Variants in BMAL2 observed in about 807,000 individuals in gnomAD.
The protein encoded by BMAL2 is basic helix-loop-helix ARNT like 2.
chr12:27,418,059 ACT>A, the BMAL2 span: 1 of 1,422,360 alleles, frequency 7.0e-7, no homozygotes, highest in Non-Finnish European at 9.9e-7. Context: ...TAGGAACCTC[ACT>A]GTTTGTTACT....
chr12:27,352,299 AC>A, the BMAL2 span, among the ~76,000 whole-genome samples: 4 of 152,210 alleles, frequency 2.6e-5, no homozygotes, highest in African/African-American at 9.7e-5. Context: ...AAAATCCTAA[AC>A]TTTTTGAGTA....
chr12:27,388,687 G>T, the BMAL2 span, among the ~76,000 whole-genome samples: 1 of 152,188 alleles, frequency 6.6e-6, no homozygotes, highest in Non-Finnish European at 1.5e-5. Context: ...TAGACCTGGG[G>T]ATGCTGTGCC....
the BMAL2 span, among the ~76,000 whole-genome samples, chr12:27,411,350 C>T: frequency 3.3e-5 from 5 of 152,000 alleles, no homozygotes; most frequent in African/African-American, 1.2e-4. Context: ...GGTGCAGTAG[C>T]TCATGCTTGT....
At chr12:27,420,546 A>G in the BMAL2 span, 5 of 1,540,372 alleles carry the variant, frequency 3.2e-6, no homozygotes, top group Non-Finnish European at 4.3e-6. Context: ...TTGATTTTTA[A>G]CTCCAAAAAT....
the BMAL2 span, among the ~76,000 whole-genome samples, chr12:27,396,177 T>C: frequency 6.6e-6 from 1 of 152,208 alleles, no homozygotes; most frequent in African/African-American, 2.4e-5. Context: ...CTGAGCAGAC[T>C]AATACAGTGG....
chr12:27,382,119 GCTT>G, the BMAL2 span, among the ~76,000 whole-genome samples: 1 of 152,170 alleles, frequency 6.6e-6, no homozygotes, highest in Non-Finnish European at 1.5e-5. Context: ...TGTGAAATAA[GCTT>G]CTCTTTTACC....
chr12:27,359,437 C>G, the BMAL2 span, among the ~76,000 whole-genome samples: 1 of 152,160 alleles, frequency 6.6e-6, no homozygotes, highest in Non-Finnish European at 1.5e-5. Context: ...GCCTATATTC[C>G]CAGCACTTTG....
At chr12:27,396,328 A>G in the BMAL2 span, among the ~76,000 whole-genome samples, 31 of 152,360 alleles carry the variant, frequency 2.0e-4, no homozygotes, top group African/African-American at 7.0e-4. Context: ...GAGTGAGTGA[A>G]TAATTATTAA....
At chr12:27,346,887 C>G in the BMAL2 span, among the ~76,000 whole-genome samples, 1 of 152,118 alleles carries the variant, frequency 6.6e-6, no homozygotes, top group Non-Finnish European at 1.5e-5. Flanking sequence ...AACGTCCTTC[C>G]TTGAGGGTAA....
chr12:27,403,297 G>A, the BMAL2 span: 1 of 636,130 alleles, frequency 1.6e-6, no homozygotes, highest in Non-Finnish European at 2.8e-6. Flanking sequence ...AATTACATAT[G>A]TAATGCAAGG....
At chr12:27,409,454 A>G in the BMAL2 span, among the ~76,000 whole-genome samples, 1 of 152,204 alleles carries the variant, frequency 6.6e-6, no homozygotes, top group Non-Finnish European at 1.5e-5. Context: ...ATCTACAACC[A>G]TCTGATCTTT....
the BMAL2 span, chr12:27,415,931 C>T: frequency 6.3e-7 from 1 of 1,598,096 alleles, no homozygotes; most frequent in Non-Finnish European, 8.6e-7. Flanking sequence ...GATACTCATA[C>T]TGTAAACTGC....
At chr12:27,368,643 A>G in the BMAL2 span, among the ~76,000 whole-genome samples, 98 of 152,336 alleles carry the variant, frequency 6.4e-4, no homozygotes, top group African/African-American at 2.2e-3. Flanking sequence ...AGACATAGGA[A>G]CATGAGTTTT....
At chr12:27,342,997 G>A in the BMAL2 span, among the ~76,000 whole-genome samples, 1 of 152,142 alleles carries the variant, frequency 6.6e-6, no homozygotes, top group South Asian at 2.1e-4. Context: ...TGTTCAATTC[G>A]CACCTCAAAG....
At chr12:27,383,181 A>G in the BMAL2 span, among the ~76,000 whole-genome samples, 1 of 152,116 alleles carries the variant, frequency 6.6e-6, no homozygotes, top group African/African-American at 2.4e-5. Context: ...TGACTTACTC[A>G]AGTTATTTGA....
the BMAL2 span, among the ~76,000 whole-genome samples, chr12:27,396,288 CAGAA>C: frequency 6.6e-6 from 1 of 152,072 alleles, no homozygotes; most frequent in African/African-American, 2.4e-5. Flanking sequence ...ATTTGCAGCT[CAGAA>C]AGAAGAGAAG....
the BMAL2 span, among the ~76,000 whole-genome samples, chr12:27,341,358 A>G: frequency 6.6e-6 from 1 of 152,326 alleles, no homozygotes; most frequent in African/African-American, 2.4e-5. Context: ...CCTTTTCTGC[A>G]TCTGTTGAGA....
At chr12:27,358,693 T>C in the BMAL2 span, among the ~76,000 whole-genome samples, 1 of 152,150 alleles carries the variant, frequency 6.6e-6, no homozygotes, top group Non-Finnish European at 1.5e-5. Flanking sequence ...AACTTGTACC[T>C]CTATCTAGGT....
At chr12:27,332,937 G>A in the BMAL2 span, 24 of 572,416 alleles carry the variant, frequency 4.2e-5, no homozygotes, top group Middle Eastern at 1.4e-3. Flanking sequence ...GGTGGCGGCC[G>A]CCGCGGCACC....
Sources: allele counts gnomAD v4.1 joint callset (sites outside exome capture counted in the v4.1 genomes callset), GRCh38; gene constraint gnomAD v4.1.1; transcripts MANE v1.5; gene names NCBI Gene and HGNC (gene_info 2026-07-23, HGNC 2026-07-21).